Variants in HEG1 observed in about 807,000 individuals in gnomAD.
HEG1 encodes the protein heart development protein with EGF like domains 1.
HEG1 carries 56 observed loss-of-function variants against 125.6 expected under a neutral mutation model. The ratio of observed to expected loss-of-function variants is 0.45; its 90% CI spans 0.36 to 0.56. HEG1 has a LOEUF of 0.56. Ranked by LOEUF, HEG1 falls within the 20% of genes least tolerant of loss-of-function variation. The pLI, the probability that HEG1 is intolerant of heterozygous loss-of-function variation, is 0.00. For missense variants in HEG1, 1,523 were observed against 1,670.0 expected (o/e 0.91, Z 1.53); for synonymous variants, 644 against 668.5 (o/e 0.96, Z 0.57).
chr3:125,012,526 C>G, intron 6 of HEG1, 97 bp downstream of exon 6: 1 of 1,224,520 alleles, frequency 8.2e-7, no homozygotes, highest in Admixed American at 2.7e-5. Context: ...CAAATGCCAG[C>G]CATTTCTACA....
Position 125,001,862 on chromosome 3 carries a change from C to A in HEG1, c.3507G>T (p.Arg1169=), listed in dbSNP as rs779488131. The A allele has an allele frequency of 6.2e-7, 1 of 1,612,792 alleles. No individual in the cohort carries two copies. ...GGGCTGCCCTCTTACCTCTAAAGAT[C>A]CGCCTCTGAGATCCCAAGAGCTGGC... The part of the protein sequence containing the change: ...EVCQLLGSQR[R]IFRAGSLCKR... The change falls in exon 11 of 17, where the codon CGG becomes CGT. Residue 1169 remains arginine (R), a synonymous_variant. Transcript: ENST00000311127.
intron 3 of HEG1, among the ~76,000 whole-genome samples, chr3:125,022,704 T>G (rs116429869): frequency 0.48 from 68,741 of 143,958 alleles, 16,439 homozygotes; most frequent in Middle Eastern, 0.63. Flanking sequence ...AAGAAATAAA[T>G]AAATAAAAAG....
At chr3:125,054,604 T>C (rs550176627) in intron 1 of HEG1, among the ~76,000 whole-genome samples, 1 of 152,338 alleles carries the variant, frequency 6.6e-6, no homozygotes, top group South Asian at 2.1e-4. Context: ...CAACCCAGCT[T>C]ATTTGAATAG....
intron 14 of HEG1, among the ~76,000 whole-genome samples, chr3:124,984,501 G>A (rs916130543): frequency 2.0e-5 from 3 of 152,196 alleles, no homozygotes; most frequent in Non-Finnish European, 4.4e-5. Flanking sequence ...GCTCATGCCT[G>A]TAATCCCAGC....
chr3:125,033,448 C>A (rs1224111150), intron 1 of HEG1, among the ~76,000 whole-genome samples: 1 of 152,142 alleles, frequency 6.6e-6, no homozygotes, highest in Non-Finnish European at 1.5e-5. Flanking sequence ...TAGAAACAAA[C>A]CGGCCCCGCA....
In HEG1 at chr3:124,997,760, AG is replaced by A; in HGVS notation, c.3580del (p.Leu1194TrpfsTer38). On this transcript the variant is annotated frameshift_variant, in exon 12 of 17. Coordinates refer to ENST00000311127, the MANE Select transcript of HEG1 (RefSeq NM_020733.2). LOFTEE classifies it high-confidence loss of function. ...GCACTGGCACAGGGCAACGCCGTCC[AG>A]GTCAGTGCAGATGGAGGTGTCTTTG... ...CDKDTSICTDLDGVALCQCKS... is the reference protein window; with the variant it reads ...CDKDTSICTDXDGVALCQCKS... 6.3e-7 allele frequency: 1 copy of A among 1,599,870 alleles called. No homozygotes were observed. The highest frequency in any genetic ancestry group is 8.5e-7 in the Non-Finnish European group (1 of 1,170,460).
chr3:125,002,000 C>A lies in HEG1; in HGVS notation c.3369G>T (p.Ala1123=). The A allele has an allele frequency of 6.2e-7, 1 of 1,613,954 alleles. No homozygotes were observed. Among genetic ancestry groups the A allele is most frequent in the Non-Finnish European group, 8.5e-7 (1 of 1,179,868 alleles). The change falls in exon 11 of 17, where the codon GCG becomes GCT. Residue 1123 remains alanine (A), a synonymous_variant. Transcript: ENST00000311127. The part of the protein sequence containing the change: ...STVHASRESN[A]VVISLQTTFS... ...AGGTTGTTTGCAGTGAGATCACCACCGCGTTGGACTCCCTATAGGCAAAGT... is the reference window on the plus strand; with the variant it reads ...AGGTTGTTTGCAGTGAGATCACCACAGCGTTGGACTCCCTATAGGCAAAGT...
intron 1 of HEG1, among the ~76,000 whole-genome samples, chr3:125,042,958 AT>A (rs2107712530): frequency 6.6e-6 from 1 of 152,292 alleles, no homozygotes; most frequent in East Asian, 1.9e-4. Context: ...TAGAAGCCAA[AT>A]GAGTTTGTGT....
chr3:125,049,738 T>C (rs1937761027), intron 1 of HEG1, among the ~76,000 whole-genome samples: 1 of 152,154 alleles, frequency 6.6e-6, no homozygotes, highest in Non-Finnish European at 1.5e-5. Context: ...CTGTCCTCAG[T>C]CTTTCCTCCC....
chr3:125,050,707 G>C (rs1185196456), intron 1 of HEG1, among the ~76,000 whole-genome samples: 1 of 152,086 alleles, frequency 6.6e-6, no homozygotes, highest in Non-Finnish European at 1.5e-5. Flanking sequence ...TGTTCCCTGG[G>C]GGCATCACAG....
chr3:125,039,835 C>CAAAA (rs71996831), intron 1 of HEG1, among the ~76,000 whole-genome samples: 2 of 132,388 alleles, frequency 1.5e-5, no homozygotes, highest in Non-Finnish European at 1.6e-5. Context: ...AGAACAGAGC[C>CAAAA]AAAAAAAAAA....
In HEG1 at chr3:124,969,239, C is replaced by T. The variant is rs552668039; in HGVS notation, c.*1413G>A. The T allele has an allele frequency of 3.9e-5, 6 of 152,266 alleles. No individual in the cohort carries two copies. Among genetic ancestry groups the T allele is most frequent in the Admixed American group, 3.9e-4 (6 of 15,288 alleles). 9.4% of individuals were successfully genotyped at this position (152,266 alleles called of 1,614,324 possible). A position where few individuals can be genotyped will look rare whatever the true frequency, so the allele number is the denominator to read the frequency against. On this transcript the variant is annotated 3_prime_UTR_variant, in exon 17 of 17. Coordinates refer to ENST00000311127, the MANE Select transcript of HEG1 (RefSeq NM_020733.2). ...CAAAGAAGGCCAATAAACACAGTTC[C>T]CCAGGTGGCAATTAAAGACACCGAG... is the stretch of plus-strand genomic sequence containing the variant.
At chr3:124,987,480 C>T (rs930929253) in intron 14 of HEG1, among the ~76,000 whole-genome samples, 1 of 151,646 alleles carries the variant, frequency 6.6e-6, no homozygotes, top group Admixed American at 6.6e-5. Flanking sequence ...AGGTCTGCTG[C>T]ACTTTGAGCC....
At chr3:125,030,561 T>C (rs1022653587) in intron 1 of HEG1, among the ~76,000 whole-genome samples, 1 of 152,222 alleles carries the variant, frequency 6.6e-6, no homozygotes, top group African/African-American at 2.4e-5. Flanking sequence ...TCTTCAGGGA[T>C]TGTTGAATTA....
intron 14 of HEG1, among the ~76,000 whole-genome samples, chr3:124,987,266 A>G (rs1936752873): frequency 6.6e-6 from 1 of 152,182 alleles, no homozygotes; most frequent in Non-Finnish European, 1.5e-5. Flanking sequence ...GTACTAGCTC[A>G]TTCTATGAGA....
At chr3:125,043,267 G>A (rs1326108649) in intron 1 of HEG1, among the ~76,000 whole-genome samples, 1 of 152,180 alleles carries the variant, frequency 6.6e-6, no homozygotes, top group Admixed American at 6.5e-5. Context: ...GGCCTGGCCT[G>A]GAGCTCCCAA....
intron 12 of HEG1, among the ~76,000 whole-genome samples, chr3:124,992,455 A>G (rs548481793): frequency 3.5e-4 from 53 of 152,376 alleles, no homozygotes; most frequent in African/African-American, 1.1e-3. Flanking sequence ...AATGTGATAC[A>G]GGGTTAATGT....
intron 12 of HEG1, among the ~76,000 whole-genome samples, chr3:124,995,473 C>T (rs1381828797): frequency 1.3e-5 from 2 of 152,318 alleles, no homozygotes; most frequent in East Asian, 1.9e-4. Flanking sequence ...TGCACGCACA[C>T]GCTGCAGAGA....
chr3:124,971,474 C>CTTTCT (rs983544572), intron 16 of HEG1, among the ~76,000 whole-genome samples: 3 of 147,522 alleles, frequency 2.0e-5, no homozygotes, highest in Admixed American at 6.8e-5. Context: ...CCCTCTCTTT[C>CTTTCT]TTTCTTTTCT....
Sources: allele counts gnomAD v4.1 joint callset (sites outside exome capture counted in the v4.1 genomes callset), GRCh38; gene constraint gnomAD v4.1.1; transcripts MANE v1.5; gene names NCBI Gene and HGNC (gene_info 2026-07-23, HGNC 2026-07-21).